The following RPGRIP1 variants were observed in gnomAD, a reference collection of about 807,000 sequenced individuals.
RPGRIP1 encodes the protein X-linked retinitis pigmentosa GTPase regulator-interacting protein 1.
In RPGRIP1, 128 loss-of-function variants were observed where a neutral mutation model predicts 157.9. That is an observed-to-expected ratio of 0.81 (90% CI 0.70 to 0.94). The LOEUF (loss-of-function observed/expected upper bound fraction) is 0.94, where lower values mean the gene tolerates loss of function less well. RPGRIP1 is among the 40% of genes least tolerant of loss of function. The pLI, the probability that RPGRIP1 is intolerant of heterozygous loss-of-function variation, is 0.00. For synonymous variants in RPGRIP1, 554 were observed against 571.6 expected (o/e 0.97, Z 0.44); for missense variants, 1,486 against 1,545.8 (o/e 0.96, Z 0.65).
intron 12 of RPGRIP1, 39 bp downstream of exon 12, chr14:21,320,216 G>GA: frequency 6.5e-7 from 1 of 1,547,564 alleles, no homozygotes; most frequent in South Asian, 1.2e-5. Flanking sequence ...ACTCTGCAGA[G>GA]AGATCTCTGG....
chr14:21,332,014 C>T (rs1316448546), intron 20 of RPGRIP1, among the ~76,000 whole-genome samples: 2 of 149,146 alleles, frequency 1.3e-5, no homozygotes, highest in Non-Finnish European at 3.0e-5. Flanking sequence ...TCTCGGCTCA[C>T]TGCAATCTCT....
chr14:21,293,051 C>CA (rs1430010702), intron 2 of RPGRIP1, among the ~76,000 whole-genome samples: 2 of 151,794 alleles, frequency 1.3e-5, no homozygotes, highest in Non-Finnish European at 2.9e-5. Context: ...GAGGCTGAGG[C>CA]AGGAGAATTG....
Position 21,325,849 on chromosome 14 carries a change from GA to G in RPGRIP1, c.2388del (p.Glu796AspfsTer62), listed in dbSNP as rs1566344184. ...TTTCCAGTTCAGATCGGAGTCTTGG[GA>G]ACCTCAGAACGAGCTGTGGATTGAA... is the stretch of plus-strand genomic sequence containing the variant. ...QEEEFRSESWEPQNELWIEIT... is the reference protein window; with the variant it reads ...QEEEFRSESWXPQNELWIEIT... On this transcript the variant is annotated frameshift_variant, in exon 17 of 25. Coordinates refer to ENST00000400017, the MANE Select transcript of RPGRIP1 (RefSeq NM_020366.4). LOFTEE classifies it high-confidence loss of function. The G allele has an allele frequency of 1.2e-6, 2 of 1,612,918 alleles. No individual in the cohort carries two copies. Among genetic ancestry groups the G allele is most frequent in the South Asian group, 2.2e-5 (2 of 91,012 alleles).
At chr14:21,288,152 C>G in intron 2 of RPGRIP1, 91 bp downstream of exon 2, 1 of 766,240 alleles carries the variant, frequency 1.3e-6, no homozygotes, top group Non-Finnish European at 2.3e-6. Flanking sequence ...GACTGATTTA[C>G]TTTCAGCTCT....
rs1249764675 is a variant in RPGRIP1, at chr14:21,351,245, T to C, written c.*29T>C. The C allele has an allele frequency of 5.1e-6, 7 of 1,369,042 alleles. No individual in the cohort carries two copies. The highest frequency in any genetic ancestry group is 7.2e-6 in the Non-Finnish European group (7 of 969,730). The allele number at this position is 1,369,042 out of a possible 1,614,324, so 84.8% of individuals were successfully genotyped here. ...AACAAGTGCTATTCCAATCTAAAAG[T>C]CTCTGAGGGAACCATAGTAAAAAGT... On this transcript the variant is annotated 3_prime_UTR_variant, in exon 25 of 25. Coordinates refer to ENST00000400017, the MANE Select transcript of RPGRIP1 (RefSeq NM_020366.4).
At position 21,324,703 on chromosome 14, in the gene RPGRIP1, G is replaced by A. The variant is rs1298105563; in HGVS notation, c.1848G>A (p.Val616=). ...CAGCCCATGGAGATGAGGATAAAGT[G>A]GATATTTCTCTGCTGCATCAGGGTG... ...TLPAHGDEDK[V]DISLLHQGEN... is the part of the protein sequence containing the mutation. Residue 616 remains valine (V), a synonymous_variant, in exon 15 of 25, where the codon GTG becomes GTA. Transcript: ENST00000400017. 2 of 1,614,026 alleles carry A rather than the reference G, an allele frequency of 1.2e-6. No homozygotes were observed. Among genetic ancestry groups the A allele is most frequent in the South Asian group, 2.2e-5 (2 of 91,086 alleles).
intron 21 of RPGRIP1, 64 bp downstream of exon 21, chr14:21,334,769 A>T: frequency 8.9e-7 from 1 of 1,118,652 alleles, no homozygotes; most frequent in Non-Finnish European, 1.3e-6. Context: ...GTGGCCAGTC[A>T]TGGGGGCTCA....
At chr14:21,293,923 G>C (rs1880644719) in intron 2 of RPGRIP1, among the ~76,000 whole-genome samples, 2 of 151,214 alleles carry the variant, frequency 1.3e-5, no homozygotes, top group Non-Finnish European at 3.0e-5. Context: ...TGTGGTGGCA[G>C]GCACCTGCAA....
At chr14:21,341,784 G>C in intron 21 of RPGRIP1, among the ~76,000 whole-genome samples, 1 of 152,032 alleles carries the variant, frequency 6.6e-6, no homozygotes, top group Admixed American at 6.6e-5. Flanking sequence ...GGCCAGGCGC[G>C]GCGGCTCACG....
chr14:21,320,342 T>G (rs556237273), intron 12 of RPGRIP1, among the ~76,000 whole-genome samples, 165 bp downstream of exon 12: 277 of 151,032 alleles, frequency 1.8e-3, no homozygotes, highest in Non-Finnish European at 3.6e-3. Flanking sequence ...CAGGCTGGAG[T>G]GCAGTGGCGC....
intron 3 of RPGRIP1, among the ~76,000 whole-genome samples, chr14:21,298,829 A>G (rs1415451832): frequency 1.3e-5 from 2 of 150,628 alleles, no homozygotes; most frequent in Non-Finnish European, 3.0e-5. Context: ...AATCCCAGCT[A>G]CTCGGGAGGC....
chr14:21,313,160 G>GA (rs1340232403), intron 10 of RPGRIP1, among the ~76,000 whole-genome samples: 1 of 151,470 alleles, frequency 6.6e-6, no homozygotes, highest in Non-Finnish European at 1.5e-5. Flanking sequence ...GGGGCTGGGG[G>GA]GAATCAAAAT....
At chr14:21,341,975 G>A (rs568935479) in intron 21 of RPGRIP1, among the ~76,000 whole-genome samples, 9 of 151,886 alleles carry the variant, frequency 5.9e-5, no homozygotes, top group Admixed American at 5.3e-4. Context: ...GCGGGAACCC[G>A]GGAAGAAGAG....
Position 21,321,971 on chromosome 14 carries a change from G to A in RPGRIP1, c.1729G>A (p.Gly577Ser). ...GAATAACCGTATCAAGCAGCTGGAA[G>A]GTATTTTAAGAAGCCATGACCTTCC... ...LKNNRIKQLE[G>S]ILRSHDLPTS... Residue 577 changes from glycine to serine, a missense_variant, in exon 14 of 25, where the codon GGT becomes AGT. By Grantham distance (56) the Gly-to-Ser change is moderately conservative. Coordinates refer to ENST00000400017, the MANE Select transcript of RPGRIP1 (RefSeq NM_020366.4). The A allele has an allele frequency of 6.2e-7, 1 of 1,613,650 alleles. No individual in the cohort carries two copies. The highest frequency in any genetic ancestry group is 2.2e-5 in the East Asian group (1 of 44,884).
At position 21,343,866 on chromosome 14, in the gene RPGRIP1, G is replaced by GTTTTTTTTTTTTTTTTT. The variant is rs67535379; in HGVS notation, c.3532+663_3532+679dup. On this transcript the variant is annotated intron_variant, in intron 22 of 24. Transcript: ENST00000400017. ...TGATTTTTGTTCTTCCTCTTTTCCT[G>GTTTTTTTTTTTTTTTTT]TTTTTTTTTTTTTTTTTTTTTTTTT... Among the ~76,000 whole-genome samples the GTTTTTTTTTTTTTTTTT allele has an allele frequency of 7.9e-5, 4 of 50,440 alleles. 1 individual carries two copies. Among genetic ancestry groups the GTTTTTTTTTTTTTTTTT allele is most frequent in the African/African-American group, 2.3e-4 (3 of 13,036 alleles). 33.1% of individuals were successfully genotyped at this position (50,440 alleles called of 152,430 possible). A position where few individuals can be genotyped will look rare whatever the true frequency, so the allele number is the denominator to read the frequency against.
At chr14:21,337,980 G>T (rs910668485) in intron 21 of RPGRIP1, among the ~76,000 whole-genome samples, 4 of 150,648 alleles carry the variant, frequency 2.7e-5, no homozygotes, top group Admixed American at 6.6e-5. Context: ...GCAGTGGTGC[G>T]ATATCGGCTC....
At chr14:21,324,313 G>A in intron 14 of RPGRIP1, 1 of 438,174 alleles carries the variant, frequency 2.3e-6, no homozygotes, top group Non-Finnish European at 4.2e-6. Context: ...GGGCCACGAT[G>A]TACACCAAAA....
At chr14:21,318,645 T>G (rs973338067) in intron 11 of RPGRIP1, among the ~76,000 whole-genome samples, 1 of 151,748 alleles carries the variant, frequency 6.6e-6, no homozygotes, top group African/African-American at 2.4e-5. Context: ...CCAACTAATT[T>G]TTTGTATATT....
chr14:21,317,654 C>A, intron 10 of RPGRIP1, 42 bp from the exon 11 acceptor site: 2 of 1,560,124 alleles, frequency 1.3e-6, no homozygotes, highest in Non-Finnish European at 1.7e-6. Context: ...TCATATCACA[C>A]CCCTTGGGGT....
Sources: gnomAD v4.1 joint callset for allele counts (sites outside exome capture counted in the v4.1 genomes callset) on GRCh38, gnomAD v4.1.1 for gene constraint, MANE v1.5 for transcripts, NCBI Gene and HGNC (gene_info 2026-07-23, HGNC 2026-07-21) for gene names.